Variants in CEP128 observed in about 807,000 individuals in gnomAD.
CEP128 encodes the protein centrosomal protein 128, also known as centrosomal protein 128kDa.
A neutral mutation model predicts 156.7 loss-of-function variants in CEP128; 132 were observed. The observed-to-expected ratio is 0.84, with a 90% confidence interval of 0.73 to 0.97. CEP128 has a LOEUF of 0.97. CEP128 is among the 50% of genes least tolerant of loss of function. The pLI is 0.00. For missense variants in CEP128, 1,252 were observed against 1,281.9 expected (o/e 0.98, Z 0.36); for synonymous variants, 469 against 448.9 (o/e 1.04, Z -0.57).
intron 19 of CEP128, among the ~76,000 whole-genome samples, chr14:80,617,356 C>G (rs1002072672): frequency 6.6e-6 from 1 of 150,660 alleles, no homozygotes; most frequent in Non-Finnish European, 1.5e-5. Flanking sequence ...TCAGCCTCCC[C>G]AGCAGCTGGG....
At chr14:80,572,608 C>G (rs1054981344) in intron 20 of CEP128, among the ~76,000 whole-genome samples, 15 of 152,030 alleles carry the variant, frequency 9.9e-5, no homozygotes, top group African/African-American at 3.6e-4. Context: ...TGAGATTGCC[C>G]CAAATTACAG....
intron 19 of CEP128, among the ~76,000 whole-genome samples, chr14:80,736,241 C>A (rs891564952): frequency 7.5e-6 from 1 of 134,182 alleles, no homozygotes. Context: ...TTTAAGGTAG[C>A]TCTAATATAA....
intron 19 of CEP128, among the ~76,000 whole-genome samples, chr14:80,725,737 C>T (rs916733057): frequency 6.6e-6 from 1 of 151,848 alleles, no homozygotes; most frequent in Non-Finnish European, 1.5e-5. Context: ...AATCTCCCTC[C>T]GGAAGAAGTA....
At chr14:80,621,713 T>C (rs1893487255) in intron 19 of CEP128, among the ~76,000 whole-genome samples, 1 of 152,168 alleles carries the variant, frequency 6.6e-6, no homozygotes, top group Admixed American at 6.5e-5. Flanking sequence ...TATGATATAT[T>C]TTTGTCTTTG....
chr14:80,807,843 C>G (rs1884269296), intron 13 of CEP128, among the ~76,000 whole-genome samples: 1 of 152,176 alleles, frequency 6.6e-6, no homozygotes, highest in South Asian at 2.1e-4. Context: ...GTCCCAACAT[C>G]TACACATCCT....
At chr14:80,840,543 T>C in intron 10 of CEP128, 139 bp downstream of exon 10, 1 of 545,386 alleles carries the variant, frequency 1.8e-6, no homozygotes, top group East Asian at 3.1e-5. Context: ...GAAGAGCCGT[T>C]GAACCAATTG....
rs547308787 is a variant in CEP128, at chr14:80,707,936, A to T, written c.2806+35139T>A. Among the ~76,000 whole-genome samples, 3 of 152,306 alleles carry T rather than the reference A, an allele frequency of 2.0e-5. No individual in the cohort carries two copies. In the South Asian group the frequency reaches 6.2e-4, roughly 32 times the overall value. The stretch of plus-strand genomic sequence containing the variant: ...TTTGAAAATTACATAAAATATTTAC[A>T]TTGTTCTAAAGTCAAAAATAGGTAT... On this transcript the variant is annotated intron_variant, in intron 19 of 24. Transcript: ENST00000555265.
chr14:80,774,602 T>C (rs1463505755), intron 16 of CEP128, among the ~76,000 whole-genome samples: 1 of 151,952 alleles, frequency 6.6e-6, no homozygotes, highest in Non-Finnish European at 1.5e-5. Context: ...TCTTTACATA[T>C]ATACATATGT....
intron 19 of CEP128, among the ~76,000 whole-genome samples, chr14:80,593,449 G>A (rs1361295281): frequency 2.7e-5 from 4 of 150,448 alleles, no homozygotes; most frequent in African/African-American, 7.4e-5. Flanking sequence ...ACTGAGGCAG[G>A]AGAATGGTGT....
chr14:80,598,635 G>A (rs1262782296), intron 19 of CEP128, among the ~76,000 whole-genome samples: 1 of 151,922 alleles, frequency 6.6e-6, no homozygotes, highest in African/African-American at 2.4e-5. Flanking sequence ...AAGTCTATAT[G>A]GAAAGGAAAA....
rs765931874 is a variant in CEP128 at position 80,619,359 on chromosome 14, G to GAC, written c.2807-38938_2807-38937dup. ...TATAAAATGTTTTAAATGATTTAAA[G>GAC]ACACACAGACACACACACACACACA... On this transcript the variant is annotated intron_variant, in intron 19 of 24. Coordinates refer to ENST00000555265, the MANE Select transcript of CEP128 (RefSeq NM_152446.5). Among the ~76,000 whole-genome samples, 31 of 72,678 alleles carry GAC rather than the reference G, an allele frequency of 4.3e-4. 2 individuals carry two copies. Among genetic ancestry groups the GAC allele is most frequent in the Admixed American group, 2.1e-3 (11 of 5,198 alleles). The allele number at this position is 72,678 out of a possible 152,430, so 47.7% of individuals were successfully genotyped here. A position where few individuals can be genotyped will look rare whatever the true frequency, so the allele number is the denominator to read the frequency against.
chr14:80,629,637 A>G (rs1229921954), intron 19 of CEP128, among the ~76,000 whole-genome samples: 1 of 151,954 alleles, frequency 6.6e-6, no homozygotes, highest in Non-Finnish European at 1.5e-5. Context: ...TTAAATGTAC[A>G]TTAATAAAAG....
chr14:80,767,360 CTCAAAACTAGAT>C (rs1250869734), intron 16 of CEP128, among the ~76,000 whole-genome samples: 1 of 152,022 alleles, frequency 6.6e-6, no homozygotes, highest in East Asian at 1.9e-4. Context: ...AAGCTTATTT[CTCAAAACTAGAT>C]TTTTACGTAA....
At chr14:80,691,442 G>A (rs1223194241) in intron 19 of CEP128, among the ~76,000 whole-genome samples, 2 of 152,142 alleles carry the variant, frequency 1.3e-5, no homozygotes, top group Non-Finnish European at 2.9e-5. Context: ...AATCTCTGAA[G>A]TGAGAGAGAG....
intron 19 of CEP128, among the ~76,000 whole-genome samples, chr14:80,670,932 T>C (rs975076030): frequency 3.6e-4 from 55 of 152,220 alleles, no homozygotes; most frequent in Admixed American, 3.6e-3. Context: ...TTGTATTCTT[T>C]ATATAAATTT....
chr14:80,862,680 T>C lies in CEP128; in HGVS notation c.762+77A>G, dbSNP rs1423384435. ...AGATGGGTTGAATTATACTGTCACA[T>C]GCAATAACCATTTTAACATGGCTAA... On this transcript the variant is annotated intron_variant, in intron 9 of 24. Transcript: ENST00000555265. 12 of 936,230 alleles carry C rather than the reference T, an allele frequency of 1.3e-5. No homozygotes were observed. The African/African-American group carries it at 1.9e-4, about 15-fold the overall frequency. 58.0% of individuals were successfully genotyped at this position (936,230 alleles called of 1,614,324 possible). A position where few individuals can be genotyped will look rare whatever the true frequency, so the allele number is the denominator to read the frequency against.
chr14:80,827,721 A>T (rs1243483457), intron 13 of CEP128, among the ~76,000 whole-genome samples: 1 of 152,198 alleles, frequency 6.6e-6, no homozygotes, highest in East Asian at 1.9e-4. Context: ...TTCTGTGTTC[A>T]TTAAGCAATT....
At chr14:80,838,940 A>T (rs1343989623) in intron 10 of CEP128, among the ~76,000 whole-genome samples, 1 of 152,192 alleles carries the variant, frequency 6.6e-6, no homozygotes, top group Non-Finnish European at 1.5e-5. Flanking sequence ...TCTACTAAAA[A>T]TACAAAAAAT....
chr14:80,540,346 G>A (rs1889697936), intron 21 of CEP128, among the ~76,000 whole-genome samples: 1 of 152,154 alleles, frequency 6.6e-6, no homozygotes, highest in South Asian at 2.1e-4. Context: ...TCAGCCAGCT[G>A]ACACTTACGG....
Sources: gnomAD v4.1 joint callset for allele counts (sites outside exome capture counted in the v4.1 genomes callset) on GRCh38, gnomAD v4.1.1 for gene constraint, MANE v1.5 for transcripts, NCBI Gene and HGNC (gene_info 2026-07-23, HGNC 2026-07-21) for gene names.